The following MEP1B variants were observed in gnomAD, a reference collection of about 807,000 sequenced individuals.
MEP1B encodes the protein meprin A subunit beta, also known as N-benzoyl-L-tyrosyl-P-amino-benzoic acid hydrolase subunit beta.
Under a neutral mutation model 84.6 loss-of-function variants are expected in MEP1B, and 80 were observed. The observed-to-expected ratio is 0.95, with a 90% CI of 0.79 to 1.14. The LOEUF (loss-of-function observed/expected upper bound fraction) is 1.14, where lower values mean the gene tolerates loss of function less well. MEP1B is among the 50% of genes most tolerant of loss of function. The pLI is 0.00. For missense variants in MEP1B, 766 were observed against 855.1 expected (o/e 0.90, Z 1.30); for synonymous variants, 273 against 288.1 (o/e 0.95, Z 0.53).
At chr18:32,192,621 TTTG>T (rs752429755) in intron 2 of MEP1B, 22 bp from the exon 3 acceptor site, 245 of 1,604,880 alleles carry the variant, frequency 1.5e-4, no homozygotes, top group South Asian at 1.9e-4. Flanking sequence ...TGTTCAATTT[TTTG>T]TTGTTGTTGT....
intron 9 of MEP1B, 41 bp from the exon 10 acceptor site, chr18:32,210,460 C>T (rs2041013294): frequency 6.5e-7 from 1 of 1,532,400 alleles, no homozygotes; most frequent in Non-Finnish European, 9.0e-7. Flanking sequence ...ATTCCTATAC[C>T]CAGTATCTGT....
intron 6 of MEP1B, chr18:32,203,271 G>T (rs530101216): frequency 4.1e-5 from 14 of 340,314 alleles, no homozygotes; most frequent in Non-Finnish European, 5.9e-5. Context: ...ATTTCAGCCC[G>T]TTTGTAATTT....
At chr18:32,208,437 T>C (rs1416149688) in intron 9 of MEP1B, among the ~76,000 whole-genome samples, 166 bp downstream of exon 9, 2 of 152,230 alleles carry the variant, frequency 1.3e-5, no homozygotes, top group African/African-American at 4.8e-5. Context: ...ACATTGTTAA[T>C]TTCTTTGCTT....
At chr18:32,203,204 T>G (rs2040930561) in intron 6 of MEP1B, 194 bp downstream of exon 6, 1 of 477,366 alleles carries the variant, frequency 2.1e-6, no homozygotes, top group African/African-American at 2.0e-5. Context: ...TGTAACCGCC[T>G]TTAGACAAAG....
chr18:32,220,375 T>TTATA lies in MEP1B; in HGVS notation c.*131_*134dup. On this transcript the variant is annotated 3_prime_UTR_variant, in exon 15 of 15. Coordinates refer to ENST00000269202, the MANE Select transcript of MEP1B (RefSeq NM_005925.3). ...ATTTTTCTGTAAATAGCTGGAAATA[T>TTATA]TATAAATCACTATTTTGGTCAAAGT... The TTATA allele has an allele frequency of 1.2e-6, 1 of 863,092 alleles. No homozygotes were observed. Among genetic ancestry groups the TTATA allele is most frequent in the Non-Finnish European group, 1.8e-6 (1 of 553,240 alleles). 53.5% of individuals were successfully genotyped at this position (863,092 alleles called of 1,614,324 possible). A position where few individuals can be genotyped will look rare whatever the true frequency, so the allele number is the denominator to read the frequency against.
intron 5 of MEP1B, among the ~76,000 whole-genome samples, chr18:32,198,575 A>G (rs971792531): frequency 6.6e-6 from 1 of 152,314 alleles, no homozygotes; most frequent in Non-Finnish European, 1.5e-5. Context: ...AGCCAGATGC[A>G]TCACGATCTG....
chr18:32,217,626 A>G, intron 13 of MEP1B, 135 bp from the exon 14 acceptor site: 1 of 727,796 alleles, frequency 1.4e-6, no homozygotes, highest in Admixed American at 2.2e-5. Context: ...TCCAGTCCAG[A>G]GTGGGTAAAA....
At chr18:32,202,742 T>C in intron 5 of MEP1B, 151 bp from the exon 6 acceptor site, 1 of 598,628 alleles carries the variant, frequency 1.7e-6, no homozygotes, top group Non-Finnish European at 3.0e-6. Flanking sequence ...CAATGGGTAC[T>C]GAATTCTAAT....
intron 10 of MEP1B, among the ~76,000 whole-genome samples, chr18:32,211,568 T>C (rs935791541): frequency 6.6e-6 from 1 of 152,194 alleles, no homozygotes; most frequent in African/African-American, 2.4e-5. Context: ...CTTCCTCTAA[T>C]ATAAAGCTTA....
chr18:32,206,542 A>G (rs1474841202), intron 7 of MEP1B, among the ~76,000 whole-genome samples: 2 of 146,562 alleles, frequency 1.4e-5, no homozygotes, highest in African/African-American at 5.1e-5. Flanking sequence ...CAATCCTCCC[A>G]CCTCAGCCTC....
At position 32,207,340 on chromosome 18, in the gene MEP1B, T is replaced by TA; in HGVS notation, c.640dup (p.Thr214AsnfsTer19). ...ATTACACTTCAGTAATGCACTACAG[T>TA]AAAACTGCATTCCAAAATGGAACAG... On this transcript the variant is annotated frameshift_variant, in exon 8 of 15. Coordinates refer to ENST00000269202, the MANE Select transcript of MEP1B (RefSeq NM_005925.3). LOFTEE classifies it high-confidence loss of function. 1 of 1,612,386 alleles carries TA rather than the reference T, an allele frequency of 6.2e-7. No homozygotes were observed. The highest frequency in any genetic ancestry group is 1.1e-5 in the South Asian group (1 of 90,880).
intron 5 of MEP1B, chr18:32,195,931 C>T (rs2040848828): frequency 3.8e-6 from 1 of 260,584 alleles, no homozygotes; most frequent in South Asian, 4.8e-5. Context: ...GGCCTTGCTT[C>T]CTCTTCCCAT....
intron 4 of MEP1B, among the ~76,000 whole-genome samples, chr18:32,193,996 G>A (rs1317225408): frequency 6.6e-6 from 1 of 152,102 alleles, no homozygotes; most frequent in East Asian, 1.9e-4. Context: ...AACCTAAGGT[G>A]TCCTCTGATC....
Position 32,213,335 on chromosome 18 carries a change from C to T in MEP1B, c.1355C>T (p.Pro452Leu). 6.2e-7 allele frequency: 1 copy of T among 1,613,852 alleles called. No homozygotes were observed. Among genetic ancestry groups the T allele is most frequent in the Non-Finnish European group, 8.5e-7 (1 of 1,179,804 alleles). Residue 452 changes from proline to leucine, a missense_variant, in exon 11 of 15, where the codon CCA (proline) becomes CTA (leucine). Transcript: ENST00000269202. ...GSPNGTLYSP[P>L]FYSSKGYAFQ... is the part of the protein sequence containing the mutation. ...CCAAATGGAACTCTGTATAGCCCTC[C>T]ATTTTACTCTTCTAAAGGTTATGCC...
At chr18:32,208,969 C>T (rs1474130673) in intron 9 of MEP1B, among the ~76,000 whole-genome samples, 1 of 152,020 alleles carries the variant, frequency 6.6e-6, no homozygotes, top group Admixed American at 6.6e-5. Flanking sequence ...GATAGTGGTC[C>T]TACTCAGACC....
Position 32,196,062 on chromosome 18 carries a change from C to T in MEP1B, c.250+577C>T. On this transcript the variant is annotated intron_variant, in intron 5 of 14. Coordinates refer to ENST00000269202, the MANE Select transcript of MEP1B (RefSeq NM_005925.3). The surrounding 1 kb of genome is among the most constrained non-coding windows in gnomAD (Gnocchi z 4.4). ...TCGGGGAAGAAGGGTCATTGGCAGC[C>T]CGGGGCTGGGAACCCAGGTCCTCTG... The T allele has an allele frequency of 2.3e-6, 1 of 436,240 alleles. No homozygotes were observed. Among genetic ancestry groups the T allele is most frequent in the Non-Finnish European group, 4.3e-6 (1 of 233,940 alleles). 27.0% of individuals were successfully genotyped at this position (436,240 alleles called of 1,614,324 possible).
chr18:32,213,449 G>A lies in MEP1B; in HGVS notation c.1469G>A (p.Trp490Ter), dbSNP rs749108798. ...ISGANDDQLQ[W>*]PCPWQQATMT... Reference sequence around the variant, plus strand: ...GGAGCCAATGATGATCAATTACAGTGGCCATGTCCTTGGCAACAAGCCACA... The same window carrying A: ...GGAGCCAATGATGATCAATTACAGTAGCCATGTCCTTGGCAACAAGCCACA... Residue 490 changes from tryptophan (W) to a stop codon, truncating the protein, a stop_gained, in exon 11 of 15, where the codon TGG becomes TAG. Transcript: ENST00000269202. LOFTEE classifies it high-confidence loss of function. 8.7e-6 allele frequency: 14 copies of A among 1,613,784 alleles called. No individual in the cohort carries two copies. The highest frequency in any genetic ancestry group is 1.1e-5 in the Non-Finnish European group (13 of 1,179,742).
At position 32,217,050 on chromosome 18, in the gene MEP1B, C is replaced by T; in HGVS notation, c.1819C>T (p.Leu607Phe). ...AACACCAGCCCCTAGTGTTCAAGAC[C>T]TCTGCTCAAAAACCACCTGTAAAAA... is the stretch of plus-strand genomic sequence containing the variant. ...QLTPAPSVQD[L>F]CSKTTCKNDG... Residue 607 changes from leucine (L) to phenylalanine (F), a missense_variant, in exon 13 of 15, where the codon CTC becomes TTC. Leu to Phe is a conservative substitution (Grantham distance 22). Transcript: ENST00000269202. The T allele has an allele frequency of 1.2e-6, 2 of 1,613,930 alleles. No individual in the cohort carries two copies. Among genetic ancestry groups the T allele is most frequent in the Non-Finnish European group, 1.7e-6 (2 of 1,179,858 alleles).
At chr18:32,208,678 G>A (rs1029875404) in intron 9 of MEP1B, among the ~76,000 whole-genome samples, 3 of 152,182 alleles carry the variant, frequency 2.0e-5, no homozygotes, top group African/African-American at 7.2e-5. Context: ...GTGATTATAT[G>A]CTCCTGTTAC....
Sources: allele counts gnomAD v4.1 joint callset (sites outside exome capture counted in the v4.1 genomes callset), GRCh38; gene constraint gnomAD v4.1.1; non-coding constraint Gnocchi (gnomAD v3.1); transcripts MANE v1.5; gene names NCBI Gene and HGNC (gene_info 2026-07-23, HGNC 2026-07-21).